CSMD1: variants seen among roughly 807,000 people sequenced by gnomAD.
The protein encoded by CSMD1 is CUB and sushi domain-containing protein 1.
CSMD1 carries 213 observed loss-of-function variants against 417.5 expected under a neutral mutation model. The observed-to-expected ratio is 0.51, with a 90% CI of 0.46 to 0.57. CSMD1 has a LOEUF of 0.57. CSMD1 is among the 20% of genes least tolerant of loss of function. The probability of loss-of-function intolerance (pLI) is 0.00; values close to 1 mark genes in which losing one functional copy is unlikely to be tolerated. For missense variants in CSMD1, 6,923 were observed against 4,529.7 expected, an observed-to-expected ratio of 1.53 and a Z score of -15.17; for synonymous variants, 2,862 against 1,736.8, an observed-to-expected ratio of 1.65 and a Z score of -16.11.
At chr8:4,728,358 T>A (rs2097191353) in intron 1 of CSMD1, among the ~76,000 whole-genome samples, 1 of 151,988 alleles carries the variant, frequency 6.6e-6, no homozygotes, top group Non-Finnish European at 1.5e-5. Flanking sequence ...AGTAATTTGG[T>A]CCTCATTACA....
chr8:3,706,780 T>TA (rs77151525), intron 7 of CSMD1, among the ~76,000 whole-genome samples: 21,219 of 152,172 alleles, frequency 0.14, 1,806 homozygotes, highest in East Asian at 0.24. Flanking sequence ...CAAACTACTG[T>TA]AAATACTATA....
rs1367201500 is a variant in CSMD1 at position 4,986,999 on chromosome 8, T to A, written c.85+7333A>T. ...TAGATAATGTTTATATACAGATAAATGCATATAGTATACATCAGGTATTAC... is the reference window on the plus strand; with the variant it reads ...TAGATAATGTTTATATACAGATAAAAGCATATAGTATACATCAGGTATTAC... On this transcript the variant is annotated intron_variant, in intron 1 of 69. Coordinates refer to ENST00000635120, the MANE Select transcript of CSMD1 (RefSeq NM_033225.6). Among the ~76,000 whole-genome samples the A allele has an allele frequency of 2.0e-5, 3 of 152,184 alleles. No homozygotes were observed. In the East Asian group the frequency reaches 5.8e-4, roughly 29 times the overall value.
intron 27 of CSMD1, among the ~76,000 whole-genome samples, chr8:3,225,005 C>G (rs147100056): frequency 2.0e-5 from 3 of 152,206 alleles, no homozygotes; most frequent in Admixed American, 1.3e-4. Flanking sequence ...AATTATATGT[C>G]TTATTTCATT....
intron 3 of CSMD1, among the ~76,000 whole-genome samples, chr8:4,131,805 C>G (rs1037796414): frequency 7.1e-6 from 1 of 140,936 alleles, no homozygotes; most frequent in African/African-American, 2.6e-5. Context: ...CTCTGTCACC[C>G]AGGCTGGACT....
At chr8:3,882,071 C>A (rs1490143069) in intron 5 of CSMD1, among the ~76,000 whole-genome samples, 1 of 151,954 alleles carries the variant, frequency 6.6e-6, no homozygotes, top group African/African-American at 2.4e-5. Context: ...TATCAATAGT[C>A]TAAACATATT....
At chr8:4,463,830 C>T (rs1409990712) in intron 2 of CSMD1, among the ~76,000 whole-genome samples, 3 of 152,026 alleles carry the variant, frequency 2.0e-5, no homozygotes, top group Admixed American at 6.6e-5. Context: ...GTGATGAATG[C>T]ATAACCCCAG....
intron 1 of CSMD1, among the ~76,000 whole-genome samples, chr8:4,731,921 A>C (rs1809899568): frequency 6.6e-6 from 1 of 152,176 alleles, no homozygotes; most frequent in African/African-American, 2.4e-5. Context: ...GGCCAAAGAT[A>C]AAAATAATAA....
rs558051546 is a variant in CSMD1 at position 4,558,372 on chromosome 8, T to C, written c.302+78970A>G. On this transcript the variant is annotated intron_variant, in intron 2 of 69. Coordinates refer to ENST00000635120, the MANE Select transcript of CSMD1 (RefSeq NM_033225.6). ...CGTAGTATTATATTATGAAGCACCA[T>C]CACTAAAACGTATTTTTCAAATTAA... Among the ~76,000 whole-genome samples the C allele has an allele frequency of 2.6e-5, 4 of 152,318 alleles. No homozygotes were observed. The East Asian group carries it at 7.7e-4, about 29-fold the overall frequency.
intron 3 of CSMD1, among the ~76,000 whole-genome samples, chr8:4,401,824 G>T (rs945493651): frequency 6.6e-6 from 1 of 152,034 alleles, no homozygotes; most frequent in African/African-American, 2.4e-5. Context: ...CGTTCCCTGG[G>T]ATTGGCTGCT....
chr8:4,044,051 A>C (rs986803572), intron 3 of CSMD1, among the ~76,000 whole-genome samples: 2 of 152,096 alleles, frequency 1.3e-5, no homozygotes, highest in African/African-American at 4.8e-5. Flanking sequence ...AATAATTAGG[A>C]GACTGGGGTT....
At chr8:4,258,273 G>A (rs4875312) in intron 3 of CSMD1, among the ~76,000 whole-genome samples, 76,320 of 127,922 alleles carry the variant, frequency 0.6, 25,912 homozygotes, top group Non-Finnish European at 0.74. Context: ...CTGTCGCTGT[G>A]AGCTATTATG....
chr8:3,865,612 T>C (rs1038282172), intron 5 of CSMD1, among the ~76,000 whole-genome samples: 11 of 152,172 alleles, frequency 7.2e-5, no homozygotes, highest in Admixed American at 6.5e-4. Context: ...AGCGCCAATG[T>C]GTTATTCCTT....
intron 2 of CSMD1, among the ~76,000 whole-genome samples, chr8:4,596,253 C>T (rs1800269897): frequency 6.6e-6 from 1 of 152,100 alleles, no homozygotes; most frequent in Admixed American, 6.5e-5. Flanking sequence ...AGTATATTAA[C>T]TATTGTTAAG....
intron 2 of CSMD1, among the ~76,000 whole-genome samples, chr8:4,485,912 C>T (rs1292312923): frequency 2.0e-5 from 3 of 151,728 alleles, no homozygotes; most frequent in Non-Finnish European, 4.4e-5. Flanking sequence ...TCCTGGCAGC[C>T]AGGAAGTTCA....
intron 3 of CSMD1, among the ~76,000 whole-genome samples, chr8:4,397,149 C>G (rs1804292961): frequency 6.6e-6 from 1 of 152,116 alleles, no homozygotes; most frequent in Admixed American, 6.5e-5. Flanking sequence ...AGCAATCACT[C>G]TCATTTCTAC....
At chr8:4,582,339 C>T (rs770650925) in intron 2 of CSMD1, among the ~76,000 whole-genome samples, 2 of 152,048 alleles carry the variant, frequency 1.3e-5, no homozygotes, top group East Asian at 1.9e-4. Flanking sequence ...ATTAGAAAAG[C>T]GGGATAAAAT....
At chr8:4,080,366 A>T (rs1211855202) in intron 3 of CSMD1, among the ~76,000 whole-genome samples, 1 of 152,224 alleles carries the variant, frequency 6.6e-6, no homozygotes, top group South Asian at 2.1e-4. Flanking sequence ...AAATCTACAC[A>T]AACAGGTATC....
chr8:4,328,169 C>A (rs1308190884), intron 3 of CSMD1, among the ~76,000 whole-genome samples: 1 of 151,750 alleles, frequency 6.6e-6, no homozygotes, highest in African/African-American at 2.4e-5. Flanking sequence ...CATTCGAGGT[C>A]ACATTATAAG....
In CSMD1 at chr8:4,271,638, GGAAAA is replaced by G. The variant is rs1488898384; in HGVS notation, c.415+148310_415+148314del. Among the ~76,000 whole-genome samples, 14 of 150,894 alleles carry G rather than the reference GGAAAA, an allele frequency of 9.3e-5. No homozygotes were observed. In the East Asian group the frequency reaches 1.6e-3, roughly 17 times the overall value. On this transcript the variant is annotated intron_variant, in intron 3 of 69. Transcript: ENST00000635120. ...CTCTTTTGCAGCAGCTTTAAAGAAAGGAAAAGAAAAGAAATGGTAAAATACATCCA... is the reference window on the plus strand; with the variant it reads ...CTCTTTTGCAGCAGCTTTAAAGAAAGGAAAAGAAATGGTAAAATACATCCA...
Sources: allele counts gnomAD v4.1 joint callset (sites outside exome capture counted in the v4.1 genomes callset), GRCh38; gene constraint gnomAD v4.1.1; transcripts MANE v1.5; gene names NCBI Gene and HGNC (gene_info 2026-07-23, HGNC 2026-07-21).